LHFPL6: variants seen among roughly 807,000 people sequenced by gnomAD.
The protein encoded by LHFPL6 is LHFPL tetraspan subfamily member 6.
LHFPL6 carries 9 observed loss-of-function variants against 20.6 expected under a neutral mutation model. That is an observed-to-expected ratio of 0.44 (90% confidence interval 0.26 to 0.76). The LOEUF is 0.76. Among genes scored for constraint, LHFPL6 ranks in the 30% least tolerant of loss-of-function variants. LHFPL6 has a pLI of 0.20. For missense variants in LHFPL6, 218 were observed against 253.5 expected (o/e 0.86, Z 0.95); for synonymous variants, 105 against 98.7 (o/e 1.06, Z -0.38).
intron 3 of LHFPL6, among the ~76,000 whole-genome samples, chr13:39,364,130 C>G (rs1023903028): frequency 6.6e-6 from 1 of 152,132 alleles, no homozygotes; most frequent in African/African-American, 2.4e-5. Context: ...AAGTAAACTA[C>G]TTGTGGAAAT....
chr13:39,420,116 G>C (rs1010464005), intron 2 of LHFPL6, among the ~76,000 whole-genome samples: 5 of 152,124 alleles, frequency 3.3e-5, no homozygotes, highest in Non-Finnish European at 5.9e-5. Context: ...AGGCTATCTG[G>C]AGTCTGTATT....
intron 2 of LHFPL6, among the ~76,000 whole-genome samples, chr13:39,543,077 C>A (rs1420225642): frequency 6.6e-6 from 1 of 152,126 alleles, no homozygotes; most frequent in Non-Finnish European, 1.5e-5. Context: ...ATGAATTTAC[C>A]TATTCTAGGG....
At chr13:39,562,623 TACAC>T (rs377174128) in intron 2 of LHFPL6, among the ~76,000 whole-genome samples, 1 of 100,752 alleles carries the variant, frequency 9.9e-6, no homozygotes, top group African/African-American at 3.9e-5. Flanking sequence ...TACACATATA[TACAC>T]ACATATATAT....
intron 3 of LHFPL6, among the ~76,000 whole-genome samples, chr13:39,366,484 G>T (rs1870017393): frequency 6.6e-6 from 1 of 152,128 alleles, no homozygotes; most frequent in Admixed American, 6.5e-5. Flanking sequence ...TCGAGTTGTG[G>T]TTTCCCTTAA....
chr13:39,562,846 C>T (rs897243677), intron 2 of LHFPL6, among the ~76,000 whole-genome samples: 9 of 151,982 alleles, frequency 5.9e-5, no homozygotes, highest in Non-Finnish European at 1.0e-4. Flanking sequence ...ATTCAGTTTT[C>T]AATGCTTCAA....
intron 2 of LHFPL6, among the ~76,000 whole-genome samples, chr13:39,468,817 G>A (rs1024494009): frequency 6.6e-6 from 1 of 151,870 alleles, no homozygotes; most frequent in Admixed American, 6.6e-5. Context: ...GATTTCATAG[G>A]GGAATTAAGG....
intron 2 of LHFPL6, among the ~76,000 whole-genome samples, chr13:39,549,907 G>C (rs1264487370): frequency 2.0e-5 from 3 of 152,006 alleles, no homozygotes; most frequent in African/African-American, 7.3e-5. Context: ...CTGAGTAAAA[G>C]AGGCCAGACT....
intron 2 of LHFPL6, among the ~76,000 whole-genome samples, chr13:39,552,602 T>C (rs1871172232): frequency 2.0e-5 from 3 of 152,218 alleles, no homozygotes; most frequent in African/African-American, 7.2e-5. Flanking sequence ...CTGTGGGTGG[T>C]CCTTTCTTGG....
At chr13:39,422,602 A>AAAAAAAG (rs1555261778) in intron 2 of LHFPL6, among the ~76,000 whole-genome samples, 2 of 114,300 alleles carry the variant, frequency 1.7e-5, no homozygotes, top group Non-Finnish European at 1.8e-5. Flanking sequence ...AAAAAAAAAA[A>AAAAAAAG]AAGAAGAAGA....
chr13:39,364,642 CTTTCT>C (rs1555258470), intron 3 of LHFPL6, among the ~76,000 whole-genome samples: 1 of 152,016 alleles, frequency 6.6e-6, no homozygotes, highest in Non-Finnish European at 1.5e-5. Flanking sequence ...GGATAGTTTT[CTTTCT>C]TTTCTTTTCT....
chr13:39,550,146 A>T (rs1313942945), intron 2 of LHFPL6, among the ~76,000 whole-genome samples: 1 of 152,188 alleles, frequency 6.6e-6, no homozygotes, highest in Admixed American at 6.5e-5. Context: ...TTTTATCTCA[A>T]GAAAGCTCTT....
chr13:39,499,017 C>A (rs191597638), intron 2 of LHFPL6, among the ~76,000 whole-genome samples: 1 of 152,148 alleles, frequency 6.6e-6, no homozygotes, highest in South Asian at 2.1e-4. Context: ...CGCACCACCA[C>A]GTCCGGCTAA....
intron 2 of LHFPL6, among the ~76,000 whole-genome samples, chr13:39,390,024 A>G (rs1342650000): frequency 1.3e-5 from 2 of 152,158 alleles, no homozygotes; most frequent in South Asian, 2.1e-4. Context: ...ACTCCCAACT[A>G]CCTTCATTCA....
chr13:39,506,827 G>A (rs976063101), intron 2 of LHFPL6, among the ~76,000 whole-genome samples: 8 of 152,170 alleles, frequency 5.3e-5, no homozygotes, highest in African/African-American at 1.7e-4. Context: ...GACAGCACAA[G>A]AAAAGGAGGT....
intron 2 of LHFPL6, among the ~76,000 whole-genome samples, chr13:39,430,882 C>T (rs954885972): frequency 6.6e-6 from 1 of 152,216 alleles, no homozygotes. Context: ...GTTATCCAAG[C>T]CAGCAGCGGC....
At chr13:39,401,185 G>T (rs1566103009) in intron 2 of LHFPL6, among the ~76,000 whole-genome samples, 1 of 152,112 alleles carries the variant, frequency 6.6e-6, no homozygotes, top group South Asian at 2.1e-4. Context: ...CGTGGCTTTG[G>T]GTGGTGATTT....
intron 2 of LHFPL6, among the ~76,000 whole-genome samples, chr13:39,545,301 A>G (rs1273934768): frequency 4.0e-5 from 6 of 151,666 alleles, no homozygotes; most frequent in Non-Finnish European, 7.4e-5. Context: ...AATCTAACAG[A>G]ACAAGTGCAG....
chr13:39,582,275 T>C (rs978600306), intron 2 of LHFPL6, among the ~76,000 whole-genome samples: 1 of 152,250 alleles, frequency 6.6e-6, no homozygotes, highest in African/African-American at 2.4e-5. Context: ...ATCCCATCTT[T>C]CATCTCGCTC....
intron 2 of LHFPL6, among the ~76,000 whole-genome samples, chr13:39,401,909 T>C (rs1393759252): frequency 6.6e-6 from 1 of 152,206 alleles, no homozygotes; most frequent in Non-Finnish European, 1.5e-5. Flanking sequence ...GCCTGTGCTT[T>C]ACAAAATGAA....
Sources: gnomAD v4.1 joint callset for allele counts (sites outside exome capture counted in the v4.1 genomes callset) on GRCh38, gnomAD v4.1.1 for gene constraint, MANE v1.5 for transcripts, NCBI Gene and HGNC (gene_info 2026-07-23, HGNC 2026-07-21) for gene names.